The following ZNF418 variants were observed in gnomAD, a reference collection of about 807,000 sequenced individuals.
The protein encoded by ZNF418 is zinc finger protein 418.
A neutral mutation model predicts 32.0 loss-of-function variants in ZNF418; 32 were observed. The ratio of observed to expected loss-of-function variants is 1.00; its 90% confidence interval spans 0.75 to 1.34. ZNF418 has a LOEUF of 1.34. Ranked by LOEUF, ZNF418 falls within the 40% of genes most tolerant of loss-of-function variation. The pLI, the probability that ZNF418 is intolerant of heterozygous loss-of-function variation, is 0.00. For synonymous variants in ZNF418, 276 were observed against 270.7 expected (o/e 1.02, Z -0.19); for missense variants, 804 against 812.5 (o/e 0.99, Z 0.13).
rs77439430 is a variant in ZNF418 at position 57,934,658 on chromosome 19, C to A, written c.-81+503G>T. On this transcript the variant is annotated intron_variant, in intron 1 of 5. Coordinates refer to ENST00000396147, the MANE Select transcript of ZNF418 (RefSeq NM_133460.3). ...AGGTGACCTCAGACTGGTTGACCTG[C>A]GTGTCTCAGTGCAAAATGTCATCTC... Among the ~76,000 whole-genome samples the A allele has an allele frequency of 0.011, 1,603 of 152,228 alleles. 67 individuals carry two copies. In the East Asian group the frequency reaches 0.12, roughly 12 times the overall value.
At chr19:57,932,267 C>T (rs1196353805) in intron 2 of ZNF418, among the ~76,000 whole-genome samples, 1 of 152,188 alleles carries the variant, frequency 6.6e-6, no homozygotes. Context: ...TCCAATAGAA[C>T]AGAGTGGGAA....
At chr19:57,932,541 G>A (rs2072527513) in intron 2 of ZNF418, 1 of 1,534,962 alleles carries the variant, frequency 6.5e-7, no homozygotes, top group Admixed American at 2.0e-5. Context: ...GATATCCATG[G>A]CCCTATTCCA....
intron 2 of ZNF418, among the ~76,000 whole-genome samples, chr19:57,932,029 G>A (rs887879557): frequency 3.9e-5 from 6 of 152,224 alleles, no homozygotes; most frequent in Admixed American, 6.5e-5. Flanking sequence ...CTGGCAGAGA[G>A]GGCCACATGG....
At chr19:57,931,693 C>T (rs912499135) in intron 2 of ZNF418, among the ~76,000 whole-genome samples, 1 of 152,150 alleles carries the variant, frequency 6.6e-6, no homozygotes, top group African/African-American at 2.4e-5. Flanking sequence ...AACCCCTTAG[C>T]CCCAGGCCTC....
rs182601030 is a variant in ZNF418 at position 57,932,469 on chromosome 19, A to T, written c.6+1348T>A. On this transcript the variant is annotated intron_variant, in intron 2 of 5. Coordinates refer to ENST00000396147, the MANE Select transcript of ZNF418 (RefSeq NM_133460.3). ...GGCTCCCAATAGCAATGCAGTCCCA[A>T]GTCATTCTATGAAGGCCTTCTTGCA... 6 of 1,535,456 alleles carry T rather than the reference A, an allele frequency of 3.9e-6. No homozygotes were observed. The Admixed American group carries it at 1.2e-4, about 30-fold the overall frequency.
chr19:57,930,325 T>C, intron 3 of ZNF418, 103 bp downstream of exon 3: 1 of 1,563,726 alleles, frequency 6.4e-7, no homozygotes, highest in Non-Finnish European at 8.8e-7. Context: ...AGAAGGAAGC[T>C]GTGCCCATGG....
At chr19:57,928,629 TAGA>T (rs1281636626) in intron 3 of ZNF418, among the ~76,000 whole-genome samples, 1 of 152,120 alleles carries the variant, frequency 6.6e-6, no homozygotes, top group Non-Finnish European at 1.5e-5. Flanking sequence ...TAATGCTATA[TAGA>T]AGGCTATGTC....
At chr19:57,930,682 TC>T in intron 2 of ZNF418, 128 bp from the exon 3 acceptor site, 1 of 1,373,230 alleles carries the variant, frequency 7.3e-7, no homozygotes, top group Non-Finnish European at 1.0e-6. Flanking sequence ...GAGAAACTAG[TC>T]CACTGGTGCC....
chr19:57,924,701 G>A (rs1027782125), intron 4 of ZNF418, among the ~76,000 whole-genome samples: 1 of 152,148 alleles, frequency 6.6e-6, no homozygotes, highest in Non-Finnish European at 1.5e-5. Flanking sequence ...AGGACCTAGG[G>A]AACAGATTTC....
At chr19:57,931,530 C>T (rs1279448381) in intron 2 of ZNF418, among the ~76,000 whole-genome samples, 1 of 152,060 alleles carries the variant, frequency 6.6e-6, no homozygotes, top group Non-Finnish European at 1.5e-5. Flanking sequence ...ATAGCACAGG[C>T]ACATGTCACG....
At chr19:57,931,159 C>A (rs753108616) in intron 2 of ZNF418, among the ~76,000 whole-genome samples, 3 of 152,176 alleles carry the variant, frequency 2.0e-5, no homozygotes, top group Non-Finnish European at 2.9e-5. Context: ...AAGCCCAGTG[C>A]AGTTGCCTGG....
At chr19:57,923,433 CACACACATACATATAT>C (rs888671594) in intron 4 of ZNF418, 144 bp from the exon 5 acceptor site, 11 of 150,990 alleles carry the variant, frequency 7.3e-5, no homozygotes, top group African/African-American at 2.7e-4. Flanking sequence ...TATACATATA[CACACACATACATATAT>C]ACACACATAT....
intron 2 of ZNF418, among the ~76,000 whole-genome samples, chr19:57,931,754 T>C (rs1328810293): frequency 7.1e-6 from 1 of 141,542 alleles, no homozygotes; most frequent in Non-Finnish European, 1.6e-5. Flanking sequence ...AACCACTTTC[T>C]TTTAAGAGAT....
rs556405473 is a variant in ZNF418 at position 57,926,277 on chromosome 19, G to A, written c.1904C>T (p.Thr635Ile). ...TCCAGTGTGTACTCTCCTGTGTTCA[G>A]TAAGACTGAAGGTTTCAGCAAAGGA... is the stretch of plus-strand genomic sequence containing the variant. ...GKSFAETFSLTEHRRVHTGER... is the reference protein window; with the variant it reads ...GKSFAETFSLIEHRRVHTGER... The change falls in exon 4 of 6, where the codon ACT (threonine) becomes ATT (isoleucine). Residue 635 changes from threonine to isoleucine, a missense_variant. Around this residue, in one of 3 missense-constraint regions of ZNF418, gnomAD observed 475 missense variants for 458.6 expected, o/e 1.04. Coordinates refer to ENST00000396147, the MANE Select transcript of ZNF418 (RefSeq NM_133460.3). The A allele has an allele frequency of 6.4e-7, 1 of 1,572,134 alleles. No individual in the cohort carries two copies. Among genetic ancestry groups the A allele is most frequent in the Non-Finnish European group, 8.7e-7 (1 of 1,146,112 alleles).
chr19:57,930,197 C>T lies in ZNF418; in HGVS notation c.133+231G>A, dbSNP rs149174054. Among the ~76,000 whole-genome samples the T allele has an allele frequency of 2.0e-5, 3 of 152,230 alleles. No individual in the cohort carries two copies. In the East Asian group the frequency reaches 5.8e-4, roughly 29 times the overall value. On this transcript the variant is annotated intron_variant, in intron 3 of 5. Coordinates refer to ENST00000396147, the MANE Select transcript of ZNF418 (RefSeq NM_133460.3). The stretch of plus-strand genomic sequence containing the variant: ...ATGCATTAGATTGACTACGAGACAC[C>T]TGACTCTAACTCCTTCCCTGAGAGT...
At chr19:57,933,547 C>T (rs1036724794) in intron 2 of ZNF418, among the ~76,000 whole-genome samples, 2 of 152,132 alleles carry the variant, frequency 1.3e-5, no homozygotes, top group African/African-American at 2.4e-5. Flanking sequence ...ACAGTGAAAC[C>T]GTCTCTACTA....
At position 57,935,277 on chromosome 19, in the gene ZNF418, T is replaced by C; in HGVS notation, c.-197A>G. On this transcript the variant is annotated 5_prime_UTR_variant, in exon 1 of 6. Transcript: ENST00000396147. ...TCTGCCTCTGTGCAGCAAGAAGGACTCTTCACCTTCTGGGTTCAGACACCG... is the reference window on the plus strand; with the variant it reads ...TCTGCCTCTGTGCAGCAAGAAGGACCCTTCACCTTCTGGGTTCAGACACCG... 9.2e-7 allele frequency: 1 copy of C among 1,088,238 alleles called. No homozygotes were observed. The highest frequency in any genetic ancestry group is 1.1e-6 in the Non-Finnish European group (1 of 882,594). 67.4% of individuals were successfully genotyped at this position (1,088,238 alleles called of 1,614,324 possible). A position where few individuals can be genotyped will look rare whatever the true frequency, so the allele number is the denominator to read the frequency against.
Position 57,932,366 on chromosome 19 carries a change from T to C in ZNF418, c.6+1451A>G. On this transcript the variant is annotated intron_variant, in intron 2 of 5. Coordinates refer to ENST00000396147, the MANE Select transcript of ZNF418 (RefSeq NM_133460.3). The stretch of plus-strand genomic sequence containing the variant: ...CATTGGCCTTTCATTTTCGGCCTTA[T>C]GCCACAATGTGGCTGACAGAATTCA... 35 of 1,485,012 alleles carry C rather than the reference T, an allele frequency of 2.4e-5. 1 individual carries two copies. In the South Asian group the frequency reaches 4.2e-4, roughly 18 times the overall value. 92.0% of individuals were successfully genotyped at this position (1,485,012 alleles called of 1,614,324 possible). A position where few individuals can be genotyped will look rare whatever the true frequency, so the allele number is the denominator to read the frequency against.
rs759387541 is a variant in ZNF418, at chr19:57,926,792, A to G, written c.1389T>C (p.Phe463=). ...PYECRECRKL[F]RGKSHLIEHQ... ...GTTCAATGAGGTGGGACTTGCCCCTAAATAATTTCCTACACTCTCTACACT... is the reference window on the plus strand; with the variant it reads ...GTTCAATGAGGTGGGACTTGCCCCTGAATAATTTCCTACACTCTCTACACT... Residue 463 remains phenylalanine (F), a synonymous_variant, in exon 4 of 6, where the codon TTT becomes TTC. Transcript: ENST00000396147. 1.2e-6 allele frequency: 2 copies of G among 1,613,864 alleles called. No individual in the cohort carries two copies. Among genetic ancestry groups the G allele is most frequent in the Admixed American group, 3.3e-5 (2 of 59,922 alleles).
Sources: gnomAD v4.1 joint callset for allele counts (sites outside exome capture counted in the v4.1 genomes callset) on GRCh38, gnomAD v4.1.1 for gene constraint, gnomAD v4.1.1 regional missense constraint, MANE v1.5 for transcripts, NCBI Gene and HGNC (gene_info 2026-07-23, HGNC 2026-07-21) for gene names.